GUCY2C: variants seen among roughly 807,000 people sequenced by gnomAD.
GUCY2C encodes guanylate cyclase 2C.
A neutral mutation model predicts 131.1 loss-of-function variants in GUCY2C; 118 were observed. That is an observed-to-expected ratio of 0.90 (90% CI 0.78 to 1.05). GUCY2C has a LOEUF of 1.05. Ranked by LOEUF, GUCY2C falls within the 50% of genes least tolerant of loss-of-function variation. GUCY2C has a pLI of 0.00. For missense variants in GUCY2C, 1,161 were observed against 1,304.4 expected (o/e 0.89, Z 1.69); for synonymous variants, 452 against 457.8 (o/e 0.99, Z 0.16).
intron 13 of GUCY2C, 54 bp downstream of exon 13, chr12:14,652,898 C>G: frequency 8.3e-7 from 1 of 1,202,126 alleles, no homozygotes; most frequent in Non-Finnish European, 1.2e-6. Flanking sequence ...AATGAGGGGT[C>G]AAAAGGCCCA....
chr12:14,641,361 T>C lies in GUCY2C; in HGVS notation c.1931-142A>G, dbSNP rs571057829. On this transcript the variant is annotated intron_variant, in intron 17 of 26. Coordinates refer to ENST00000261170, the MANE Select transcript of GUCY2C (RefSeq NM_004963.4). ...TATAAGTGGCCTTGAATTGATATGA[T>C]TCCAAATTTTTGAAAAATTTTTGCT... is the stretch of plus-strand genomic sequence containing the variant. The C allele has an allele frequency of 9.8e-6, 8 of 814,488 alleles. No homozygotes were observed. In the Admixed American group the frequency reaches 1.9e-4, roughly 19 times the overall value. The allele number at this position is 814,488 out of a possible 1,614,324, so 50.5% of individuals were successfully genotyped here.
intron 24 of GUCY2C, among the ~76,000 whole-genome samples, chr12:14,617,015 G>T (rs544568177): frequency 6.6e-6 from 1 of 152,204 alleles, no homozygotes; most frequent in South Asian, 2.1e-4. Flanking sequence ...TCATGGCTTG[G>T]TGCTGTCTTT....
intron 21 of GUCY2C, 25 bp from the exon 22 acceptor site, chr12:14,622,222 T>A: frequency 7.0e-7 from 1 of 1,420,124 alleles, no homozygotes; most frequent in Non-Finnish European, 9.4e-7. Flanking sequence ...GGAAAAAAAA[T>A]GCCTTCAACT....
rs375279933 is a variant in GUCY2C at position 14,672,882 on chromosome 12, G to T, written c.1161C>A (p.Asp387Glu). 2.0e-4 allele frequency: 312 copies of T among 1,588,798 alleles called. No individual in the cohort carries two copies. The highest frequency in any genetic ancestry group is 2.6e-4 in the Non-Finnish European group (302 of 1,157,706). ...STMVLLYTSVDTKKYKVLLTY... is the reference protein window; with the variant it reads ...STMVLLYTSVETKKYKVLLTY... ...AAGCAGTGAGACATACTTTCTTGGT[G>T]TCCACAGAGGTATACAGAAGCACCA... The change falls in exon 9 of 27, where the codon GAC becomes GAA. Residue 387 changes from aspartate to glutamate, a missense_variant. Transcript: ENST00000261170.
chr12:14,679,207 C>G (rs529481358), intron 6 of GUCY2C, among the ~76,000 whole-genome samples: 3 of 152,136 alleles, frequency 2.0e-5, no homozygotes. Flanking sequence ...GGCTAGAGAT[C>G]AGGATCGTAT....
intron 19 of GUCY2C, among the ~76,000 whole-genome samples, chr12:14,633,618 G>T (rs1161291632): frequency 6.6e-6 from 1 of 151,462 alleles, no homozygotes; most frequent in Non-Finnish European, 1.5e-5. Flanking sequence ...TAATATTAAA[G>T]GAGCTCAGTG....
At chr12:14,690,859 T>C (rs905670183) in intron 1 of GUCY2C, among the ~76,000 whole-genome samples, 6 of 152,318 alleles carry the variant, frequency 3.9e-5, no homozygotes, top group African/African-American at 1.4e-4. Flanking sequence ...GTTCTTAAGT[T>C]TGCCAAGTCT....
At chr12:14,684,597 C>CTTTTCT (rs60603587) in intron 3 of GUCY2C, among the ~76,000 whole-genome samples, 11 of 1,704 alleles carry the variant, frequency 6.5e-3, no homozygotes, top group African/African-American at 0.018. Flanking sequence ...TCCTTCCTTC[C>CTTTTCT]TTCCTTCCTT....
At position 14,696,197 on chromosome 12, in the gene GUCY2C, CAG is replaced by C. The variant is rs3217156; in HGVS notation, c.217+33_217+34del. The C allele has an allele frequency of 8.5e-4, 1,287 of 1,516,826 alleles. 19 individuals carry two copies. The East Asian group carries it at 0.026, about 31-fold the overall frequency. The allele number at this position is 1,516,826 out of a possible 1,614,324, so 94.0% of individuals were successfully genotyped here. A position where few individuals can be genotyped will look rare whatever the true frequency, so the allele number is the denominator to read the frequency against. On this transcript the variant is annotated intron_variant, in intron 1 of 26. Transcript: ENST00000261170. ...AACATTTTGTCCCCAGAGGTAGTAA[CAG>C]AGTGGAGGAAGATTCTATTAACATT...
In GUCY2C at chr12:14,679,731, TG is replaced by T; in HGVS notation, c.755del (p.Pro252GlnfsTer7). ...CACCCTTCAGCTTGTAGAGGAACTC[TG>T]GACCACCACACATAATAATCACTGG... ...KSNVIIMCGG[P>X]EFLYKLKGDR... On this transcript the variant is annotated frameshift_variant, in exon 6 of 27. Transcript: ENST00000261170. LOFTEE classifies it high-confidence loss of function. 6.3e-7 allele frequency: 1 copy of T among 1,584,452 alleles called. No homozygotes were observed. Among genetic ancestry groups the T allele is most frequent in the Non-Finnish European group, 8.7e-7 (1 of 1,153,054 alleles).
intron 25 of GUCY2C, among the ~76,000 whole-genome samples, chr12:14,616,062 T>G (rs1225096475): frequency 6.6e-6 from 1 of 152,156 alleles, no homozygotes; most frequent in Admixed American, 6.6e-5. Context: ...CACAAACACA[T>G]TATCTTGTTA....
intron 21 of GUCY2C, among the ~76,000 whole-genome samples, chr12:14,624,502 TA>T (rs1946964245): frequency 6.6e-6 from 1 of 152,108 alleles, no homozygotes; most frequent in Admixed American, 6.5e-5. Context: ...ACTTCTATTT[TA>T]ATGTATTTAC....
In GUCY2C at chr12:14,696,507, C is replaced by T. The variant is rs2137120865; in HGVS notation, c.-59G>A. On this transcript the variant is annotated 5_prime_UTR_variant, in exon 1 of 27. Transcript: ENST00000261170. ...CCCACTTGCTTTGCTCTGTTGGGCT[C>T]CTAGGGAGGCAGGGAATCCAGATGG... The T allele has an allele frequency of 1.5e-6, 2 of 1,335,512 alleles. No individual in the cohort carries two copies. The highest frequency in any genetic ancestry group is 1.4e-5 in the African/African-American group (1 of 69,682). The allele number at this position is 1,335,512 out of a possible 1,614,324, so 82.7% of individuals were successfully genotyped here. A position where few individuals can be genotyped will look rare whatever the true frequency, so the allele number is the denominator to read the frequency against.
chr12:14,675,816 G>A (rs1214767070), intron 7 of GUCY2C, among the ~76,000 whole-genome samples: 1 of 152,188 alleles, frequency 6.6e-6, no homozygotes, highest in Non-Finnish European at 1.5e-5. Context: ...CATGAAGATG[G>A]TCAAGTAATA....
At chr12:14,690,742 C>T (rs551036522) in intron 1 of GUCY2C, among the ~76,000 whole-genome samples, 4 of 152,192 alleles carry the variant, frequency 2.6e-5, no homozygotes, top group East Asian at 3.9e-4. Flanking sequence ...AGGGTTTCAT[C>T]GTGTTAGCCA....
chr12:14,690,643 G>A (rs1035624348), intron 1 of GUCY2C, among the ~76,000 whole-genome samples: 5 of 152,100 alleles, frequency 3.3e-5, no homozygotes, highest in African/African-American at 1.2e-4. Flanking sequence ...CCATGTTCAT[G>A]CCATTCTCCT....
At chr12:14,634,623 T>G (rs893611018) in intron 19 of GUCY2C, among the ~76,000 whole-genome samples, 1 of 152,120 alleles carries the variant, frequency 6.6e-6, no homozygotes, top group Non-Finnish European at 1.5e-5. Context: ...AATAATAACT[T>G]TGAATGTAAA....
At chr12:14,662,675 C>CAAAAA (rs35153087) in intron 10 of GUCY2C, among the ~76,000 whole-genome samples, 3 of 72,088 alleles carry the variant, frequency 4.2e-5, no homozygotes, top group Non-Finnish European at 3.2e-5. Context: ...GACTCCGTCT[C>CAAAAA]AAAAAAAAAA....
chr12:14,669,723 C>T lies in GUCY2C; in HGVS notation c.1281G>A (p.Arg427=). 6.7e-7 allele frequency: 1 copy of T among 1,482,656 alleles called. No individual in the cohort carries two copies. The highest frequency in any genetic ancestry group is 9.4e-7 in the Non-Finnish European group (1 of 1,066,984). 91.8% of individuals were successfully genotyped at this position (1,482,656 alleles called of 1,614,324 possible). ...GAAAATTCATTAGGGATATCTTACC[C>T]CGGCCTGTAATATCATTAGGAAGTT... The part of the protein sequence containing the change: ...NSKLPNDITG[R]GPQILMIAVF... The change falls in exon 10 of 27, where the codon CGG becomes CGA. Residue 427 remains arginine, a splice_region_variant and synonymous_variant. Transcript: ENST00000261170.
Sources: allele counts gnomAD v4.1 joint callset (sites outside exome capture counted in the v4.1 genomes callset), GRCh38; gene constraint gnomAD v4.1.1; transcripts MANE v1.5; gene names NCBI Gene and HGNC (gene_info 2026-07-23, HGNC 2026-07-21).